Variants in TFIP11 observed in about 807,000 individuals in gnomAD.
TFIP11 encodes tuftelin interacting protein 11, also known as tuftelin-interacting protein 11.
Under a neutral mutation model 96.8 loss-of-function variants are expected in TFIP11, and 86 were observed. The ratio of observed to expected loss-of-function variants is 0.89; its 90% CI spans 0.75 to 1.06. The LOEUF is 1.06. Among genes scored for constraint, TFIP11 ranks in the 50% least tolerant of loss-of-function variants. TFIP11 has a pLI of 0.00. For missense variants in TFIP11, 881 were observed against 1,076.7 expected, an observed-to-expected ratio of 0.82 and a Z score of 2.54; for synonymous variants, 405 against 395.2, an observed-to-expected ratio of 1.02 and a Z score of -0.29.
chr22:26,507,483 A>T (rs1476073175), intron 4 of TFIP11, among the ~76,000 whole-genome samples: 1 of 152,084 alleles, frequency 6.6e-6, no homozygotes, highest in Non-Finnish European at 1.5e-5. Flanking sequence ...AATAAAAATT[A>T]GCCAGGCATG....
At chr22:26,510,362 T>C in intron 3 of TFIP11, 81 bp from the exon 4 acceptor site, 2 of 1,318,810 alleles carry the variant, frequency 1.5e-6, no homozygotes, top group Non-Finnish European at 2.1e-6. Flanking sequence ...CTCTATTCCT[T>C]GCTGCTTTCA....
chr22:26,503,824 T>C, intron 6 of TFIP11, 31 bp from the exon 7 acceptor site: 3 of 1,607,412 alleles, frequency 1.9e-6, no homozygotes, highest in Non-Finnish European at 2.5e-6. Flanking sequence ...AAAAAGAGAG[T>C]CTTACGATCA....
intron 1 of TFIP11, 26 bp downstream of exon 1, chr22:26,512,368 G>C (rs1304232142): frequency 6.6e-6 from 1 of 152,240 alleles, no homozygotes; most frequent in Non-Finnish European, 1.5e-5. Flanking sequence ...CTGGCGCTGA[G>C]TCCCCTTGTG....
chr22:26,496,356 G>A, intron 11 of TFIP11, 40 bp from the exon 12 acceptor site: 1 of 1,557,192 alleles, frequency 6.4e-7, no homozygotes, highest in South Asian at 1.2e-5. Flanking sequence ...GTCGCCTGTG[G>A]GGCAGTCACA....
intron 6 of TFIP11, among the ~76,000 whole-genome samples, chr22:26,505,024 T>C (rs562928515): frequency 1.3e-5 from 2 of 151,918 alleles, no homozygotes; most frequent in East Asian, 1.9e-4. Flanking sequence ...TGCAGATGAG[T>C]TGAGATCGTG....
intron 12 of TFIP11, 50 bp downstream of exon 12, chr22:26,496,023 C>A: frequency 1.3e-6 from 2 of 1,592,682 alleles, no homozygotes; most frequent in Non-Finnish European, 1.7e-6. Flanking sequence ...ACCACAGAAA[C>A]CAGGGCACCA....
chr22:26,501,487 C>T (rs75458213), intron 8 of TFIP11, among the ~76,000 whole-genome samples: 1,644 of 151,860 alleles, frequency 0.011, 32 homozygotes, highest in African/African-American at 0.037. Flanking sequence ...TGTCTAACAA[C>T]GGAGGTAGGA....
In TFIP11 at chr22:26,507,049, A is replaced by T. The variant is rs551251796; in HGVS notation, c.210-121T>A. ...GAGTGAATCTCATGGGAGGTTTTTT[A>T]AAAAAGTAACACATTTTTTAATGTG... On this transcript the variant is annotated intron_variant, in intron 4 of 14. Coordinates refer to ENST00000407690, the MANE Select transcript of TFIP11 (RefSeq NM_012143.4). The T allele has an allele frequency of 1.2e-5, 15 of 1,220,788 alleles. No homozygotes were observed. In the African/African-American group the frequency reaches 1.5e-4, roughly 12 times the overall value. The allele number at this position is 1,220,788 out of a possible 1,614,324, so 75.6% of individuals were successfully genotyped here. A position where few individuals can be genotyped will look rare whatever the true frequency, so the allele number is the denominator to read the frequency against.
Position 26,494,124 on chromosome 22 carries a change from G to A in TFIP11, c.2158+15C>T, listed in dbSNP as rs1602194179. On this transcript the variant is annotated intron_variant, in intron 14 of 14. Transcript: ENST00000407690. Reference sequence around the variant, plus strand: ...ACTTGGGGCCAGGACATCCAAAATGGGAATCCTCACTTACCAACGTTGGAG... The same window carrying A: ...ACTTGGGGCCAGGACATCCAAAATGAGAATCCTCACTTACCAACGTTGGAG... 1 of 1,610,912 alleles carries A rather than the reference G, an allele frequency of 6.2e-7. No individual in the cohort carries two copies. The highest frequency in any genetic ancestry group is 2.2e-5 in the East Asian group (1 of 44,800).
At position 26,492,191 on chromosome 22, in the gene TFIP11, G is replaced by T; in HGVS notation, c.2336C>A (p.Thr779Asn). 6.2e-7 allele frequency: 1 copy of T among 1,614,196 alleles called. No homozygotes were observed. Among genetic ancestry groups the T allele is most frequent in the Non-Finnish European group, 8.5e-7 (1 of 1,180,044 alleles). The change falls in exon 15 of 15, where the codon ACC (threonine) becomes AAC (asparagine). Residue 779 changes from threonine (T) to asparagine (N), a missense_variant. Transcript: ENST00000407690. ...VPMNFKDLIE[T>N]KAEEHNIVFM... ...GACAATGTTGTGCTCCTCAGCCTTG[G>T]TCTCAATGAGGTCCTTAAAGTTCAT...
At chr22:26,511,411 CAT>C (rs1009585072) in intron 2 of TFIP11, 4 of 152,246 alleles carry the variant, frequency 2.6e-5, no homozygotes, top group African/African-American at 4.8e-5. Context: ...GCAACACCCA[CAT>C]AGTCACACCC....
rs1921222891 is a variant in TFIP11 at position 26,491,817 on chromosome 22, C to T, written c.*196G>A. The T allele has an allele frequency of 1.1e-6, 1 of 919,352 alleles. No individual in the cohort carries two copies. The highest frequency in any genetic ancestry group is 1.6e-6 in the Non-Finnish European group (1 of 622,748). The allele number at this position is 919,352 out of a possible 1,614,324, so 56.9% of individuals were successfully genotyped here. On this transcript the variant is annotated 3_prime_UTR_variant, in exon 15 of 15. Coordinates refer to ENST00000407690, the MANE Select transcript of TFIP11 (RefSeq NM_012143.4). ...GTCCTGTTTTGAGGACGATACCCCA[C>T]ATGAGGACTTGGTATAAAGATTCCT...
At chr22:26,495,927 A>G (rs1236934943) in intron 12 of TFIP11, 146 bp downstream of exon 12, 23 of 1,263,168 alleles carry the variant, frequency 1.8e-5, no homozygotes, top group Non-Finnish European at 2.4e-5. Flanking sequence ...GCCTCTGAAC[A>G]AAATGTTACC....
chr22:26,494,770 C>T lies in TFIP11; in HGVS notation c.1992+27G>A, dbSNP rs199615748. ...TTAATCCCCACCCAGTTCCCTCCCC[C>T]AGAAATCCAAGCAAAACAAAGTGTA... On this transcript the variant is annotated intron_variant, in intron 13 of 14. Coordinates refer to ENST00000407690, the MANE Select transcript of TFIP11 (RefSeq NM_012143.4). The T allele has an allele frequency of 2.5e-6, 4 of 1,613,958 alleles. No individual in the cohort carries two copies. The East Asian group carries it at 6.7e-5, about 27-fold the overall frequency.
At chr22:26,508,460 T>C (rs148061579) in intron 4 of TFIP11, among the ~76,000 whole-genome samples, 2 of 152,340 alleles carry the variant, frequency 1.3e-5, no homozygotes, top group East Asian at 1.9e-4. Flanking sequence ...GATTATGCAA[T>C]TCTTGTTCCC....
chr22:26,492,080 AC>A lies in TFIP11; in HGVS notation c.2446del (p.Val816SerfsTer17), dbSNP rs1317907490. ...RIVIYIDRGV[V>X]FVQGEKTWVP... ...CCACGTCTTCTCGCCCTGGACAAAGACCACTCCCCGGTCGATGTAGATCACA... is the reference window on the plus strand; with the variant it reads ...CCACGTCTTCTCGCCCTGGACAAAGACACTCCCCGGTCGATGTAGATCACA... On this transcript the variant is annotated frameshift_variant, in exon 15 of 15. Coordinates refer to ENST00000407690, the MANE Select transcript of TFIP11 (RefSeq NM_012143.4). LOFTEE classifies it high-confidence loss of function. The A allele has an allele frequency of 6.2e-6, 10 of 1,613,210 alleles. No individual in the cohort carries two copies. Among genetic ancestry groups the A allele is most frequent in the Non-Finnish European group, 8.5e-6 (10 of 1,179,624 alleles).
intron 14 of TFIP11, chr22:26,493,107 A>C (rs1307478778): frequency 6.6e-6 from 1 of 151,354 alleles, no homozygotes; most frequent in Non-Finnish European, 1.5e-5. Flanking sequence ...GGCTCACTAC[A>C]ACCTCTGCCT....
intron 11 of TFIP11, among the ~76,000 whole-genome samples, 168 bp downstream of exon 11, chr22:26,496,553 G>A (rs1922073047): frequency 1.3e-5 from 2 of 152,138 alleles, no homozygotes; most frequent in Non-Finnish European, 2.9e-5. Flanking sequence ...GGTGGCTTGG[G>A]GGAAAAAGTG....
rs530488278 is a variant in TFIP11, at chr22:26,512,144, G to A, written c.-141C>T. The A allele has an allele frequency of 4.6e-5, 7 of 152,366 alleles. No homozygotes were observed. In the East Asian group the frequency reaches 1.3e-3, roughly 29 times the overall value. 9.4% of individuals were successfully genotyped at this position (152,366 alleles called of 1,614,324 possible). ...GGGCTCAAACTCAGGAGTGCTAGAA[G>A]TCAGGCCTCGGGCTTGTCTCTCTCT... On this transcript the variant is annotated 5_prime_UTR_variant, in exon 2 of 15. Transcript: ENST00000407690.
Sources: allele counts gnomAD v4.1 joint callset (sites outside exome capture counted in the v4.1 genomes callset), GRCh38; gene constraint gnomAD v4.1.1; transcripts MANE v1.5; gene names NCBI Gene and HGNC (gene_info 2026-07-23, HGNC 2026-07-21).